Variants in NINL observed in about 807,000 individuals in gnomAD.
NINL encodes the protein ninein like.
NINL carries 153 observed loss-of-function variants against 160.3 expected under a neutral mutation model. That is an observed-to-expected ratio of 0.95 (90% confidence interval 0.84 to 1.09). The LOEUF is 1.09. Among genes scored for constraint, NINL ranks in the 50% least tolerant of loss-of-function variants. The pLI is 0.00. For synonymous variants in NINL, 800 were observed against 734.8 expected (o/e 1.09, Z -1.43); for missense variants, 1,829 against 1,764.0 (o/e 1.04, Z -0.66).
intron 17 of NINL, among the ~76,000 whole-genome samples, chr20:25,472,326 T>TAG (rs1262642399): frequency 8.2e-5 from 2 of 24,348 alleles, no homozygotes; most frequent in African/African-American, 2.5e-4. Context: ...GAGGAGAGGA[T>TAG]ATATATATAT....
chr20:25,481,651 G>T (rs1601092203), intron 14 of NINL, among the ~76,000 whole-genome samples: 1 of 152,192 alleles, frequency 6.6e-6, no homozygotes, highest in Non-Finnish European at 1.5e-5. Context: ...TGCATTCTCC[G>T]GGATTTAGCT....
intron 1 of NINL, among the ~76,000 whole-genome samples, chr20:25,561,122 A>T (rs2064930885): frequency 6.7e-6 from 1 of 148,690 alleles, no homozygotes; most frequent in Admixed American, 6.8e-5. Flanking sequence ...ATCTCGGCTC[A>T]CTGCAACCTC....
chr20:25,534,243 C>T (rs1020220560), intron 1 of NINL, among the ~76,000 whole-genome samples: 13 of 152,174 alleles, frequency 8.5e-5, no homozygotes, highest in African/African-American at 2.9e-4. Context: ...TTGCAGTCAG[C>T]TCCTCTCTTC....
chr20:25,453,621 C>T lies in NINL; in HGVS notation c.3979G>A (p.Asp1327Asn), dbSNP rs1344998873. Residue 1327 changes from aspartate (D) to asparagine (N), a missense_variant, in exon 24 of 24, where the codon GAC becomes AAC. Coordinates refer to ENST00000278886, the MANE Select transcript of NINL (RefSeq NM_025176.6). The stretch of plus-strand genomic sequence containing the variant: ...ACGTACAGCTCCTTCAGCAGCAGGT[C>T]GGACTTCGTGTTCTTTTCAAACTAG... ...KEQFEKNTKS[D>N]LLLKELYVEN... 8 of 1,607,852 alleles carry T rather than the reference C, an allele frequency of 5.0e-6. No individual in the cohort carries two copies. The highest frequency in any genetic ancestry group is 3.4e-5 in the Admixed American group (2 of 58,586).
chr20:25,526,520 C>A lies in NINL; in HGVS notation c.68G>T (p.Gly23Val). The change falls in exon 2 of 24, where the codon GGG (glycine) becomes GTG (valine). Residue 23 changes from glycine to valine, a missense_variant. Transcript: ENST00000278886. ...CTCCTGGCGGTCCAGAAAGCCAGTC[C>A]CCGTGGTGTCGCAGCTGCTGTAGAC... ...REVYSSCDTT[G>V]TGFLDRQELT... 1.2e-6 allele frequency: 2 copies of A among 1,614,192 alleles called. No homozygotes were observed. The highest frequency in any genetic ancestry group is 1.7e-6 in the Non-Finnish European group (2 of 1,180,038).
intron 1 of NINL, among the ~76,000 whole-genome samples, chr20:25,568,563 C>A (rs1040248763): frequency 6.6e-6 from 1 of 151,926 alleles, no homozygotes; most frequent in African/African-American, 2.4e-5. Flanking sequence ...CACGTGCCAC[C>A]ATGCCTGGCT....
intron 1 of NINL, among the ~76,000 whole-genome samples, chr20:25,567,395 T>C (rs898458394): frequency 4.6e-5 from 7 of 152,266 alleles, no homozygotes; most frequent in South Asian, 2.1e-4. Flanking sequence ...TACCACAGAC[T>C]CAGGAAGCTC....
chr20:25,515,084 A>G (rs1221596926), intron 3 of NINL, among the ~76,000 whole-genome samples: 1 of 152,232 alleles, frequency 6.6e-6, no homozygotes, highest in Non-Finnish European at 1.5e-5. Flanking sequence ...TCCAGACCCT[A>G]GAATGGTAGA....
At chr20:25,567,782 A>T (rs978607982) in intron 1 of NINL, among the ~76,000 whole-genome samples, 1 of 152,172 alleles carries the variant, frequency 6.6e-6, no homozygotes, top group African/African-American at 2.4e-5. Flanking sequence ...AGAAAGATGC[A>T]ACCGAAAATC....
At chr20:25,573,674 A>G (rs2065080977) in intron 1 of NINL, among the ~76,000 whole-genome samples, 1 of 152,264 alleles carries the variant, frequency 6.6e-6, no homozygotes, top group African/African-American at 2.4e-5. Flanking sequence ...GAAAATTACC[A>G]TATTTTGCTA....
chr20:25,574,352 C>T (rs948648312), intron 1 of NINL, among the ~76,000 whole-genome samples: 1 of 151,224 alleles, frequency 6.6e-6, no homozygotes, highest in Non-Finnish European at 1.5e-5. Context: ...TGCCCACCAC[C>T]GTCTTTTTTT....
intron 1 of NINL, among the ~76,000 whole-genome samples, chr20:25,539,733 T>C (rs974066514): frequency 1.3e-5 from 2 of 151,910 alleles, no homozygotes. Context: ...GCCCTAACTC[T>C]CCCCAGGGAG....
In NINL at chr20:25,467,394, T is replaced by G; in HGVS notation, c.3418A>C (p.Arg1140=). 6.2e-7 allele frequency: 1 copy of G among 1,613,144 alleles called. No homozygotes were observed. The highest frequency in any genetic ancestry group is 8.5e-7 in the Non-Finnish European group (1 of 1,179,038). ...GCCAGGCGTCGATACGTCACCTGTCTGTTGAGCACCTCCATCTCAGAGCAG... is the reference window on the plus strand; with the variant it reads ...GCCAGGCGTCGATACGTCACCTGTCGGTTGAGCACCTCCATCTCAGAGCAG... ...KACSEMEVLN[R]QNQNYKDQLS... The change falls in exon 19 of 24, where the codon AGA becomes CGA. Residue 1140 remains arginine (R), a synonymous_variant. Coordinates refer to ENST00000278886, the MANE Select transcript of NINL (RefSeq NM_025176.6).
At chr20:25,498,498 G>T in intron 8 of NINL, 152 bp from the exon 9 acceptor site, 1 of 1,026,950 alleles carries the variant, frequency 9.7e-7, no homozygotes, top group Non-Finnish European at 1.4e-6. Context: ...GCGTCTTGAG[G>T]GGTGCTCCTC....
At chr20:25,465,040 A>T (rs1487254300) in intron 19 of NINL, among the ~76,000 whole-genome samples, 1 of 152,248 alleles carries the variant, frequency 6.6e-6, no homozygotes, top group East Asian at 1.9e-4. Flanking sequence ...ATGAGATGTC[A>T]GCAGCTGTCT....
chr20:25,498,822 A>G (rs1416110608), intron 8 of NINL: 2 of 887,038 alleles, frequency 2.3e-6, no homozygotes, highest in Non-Finnish European at 2.7e-6. Context: ...CCTCAGGCTT[A>G]AAGCCAAAAA....
At chr20:25,581,531 T>C (rs920151496) in intron 1 of NINL, among the ~76,000 whole-genome samples, 1 of 151,794 alleles carries the variant, frequency 6.6e-6, no homozygotes, top group African/African-American at 2.4e-5. Flanking sequence ...AAGTCTCAAA[T>C]GCCACATGTG....
In NINL at chr20:25,504,888, C is replaced by G. The variant is rs769322564; in HGVS notation, c.708G>C (p.Glu236Asp). 6.2e-7 allele frequency: 1 copy of G among 1,610,562 alleles called. No individual in the cohort carries two copies. ...QSVGLQGLEKEELEDLFNKLD... is the reference protein window; with the variant it reads ...QSVGLQGLEKDELEDLFNKLD... ...CTGGGTGGCCTGCTGTGCCCCTCAC[C>G]TCTTTCTCGAGTCCCTGGAGCCCGA... Residue 236 changes from glutamate (E) to aspartate (D), a missense_variant and splice_region_variant, in exon 6 of 24, where the codon GAG (glutamate) becomes GAC (aspartate). Transcript: ENST00000278886.
At chr20:25,454,416 G>A (rs2090615608) in intron 23 of NINL, among the ~76,000 whole-genome samples, 1 of 152,162 alleles carries the variant, frequency 6.6e-6, no homozygotes, top group Non-Finnish European at 1.5e-5. Flanking sequence ...CAGAAGTCAG[G>A]TGTTGCTGGC....
Sources: gnomAD v4.1 joint callset for allele counts (sites outside exome capture counted in the v4.1 genomes callset) on GRCh38, gnomAD v4.1.1 for gene constraint, MANE v1.5 for transcripts, NCBI Gene and HGNC (gene_info 2026-07-23, HGNC 2026-07-21) for gene names.